Variants in TESPA1 observed in about 807,000 individuals in gnomAD.
TESPA1 encodes protein TESPA1.
In TESPA1, 33 loss-of-function variants were observed where a neutral mutation model predicts 57.9. The observed-to-expected ratio is 0.57, with a 90% CI of 0.43 to 0.76. TESPA1 has a LOEUF of 0.76. Ranked by LOEUF, TESPA1 falls within the 30% of genes least tolerant of loss-of-function variation. The pLI is 0.00. For synonymous variants in TESPA1, 227 were observed against 228.9 expected (o/e 0.99, Z 0.07); for missense variants, 618 against 632.9 (o/e 0.98, Z 0.25).
intron 1 of TESPA1, chr12:54,983,996 C>T (rs765577719): frequency 6.6e-6 from 1 of 152,218 alleles, no homozygotes; most frequent in Non-Finnish European, 1.5e-5. Flanking sequence ...GACCTTACCT[C>T]ACTCAAGTGT....
chr12:54,965,389 CCT>C (rs1951362899), intron 7 of TESPA1, among the ~76,000 whole-genome samples: 1 of 152,172 alleles, frequency 6.6e-6, no homozygotes, highest in Admixed American at 6.5e-5. Context: ...TGTTCCCCTC[CCT>C]GTGTCCATGT....
At chr12:54,975,683 G>GAATAAAATAAAATAAAATAAAATAA (rs59729826) in intron 1 of TESPA1, among the ~76,000 whole-genome samples, 151 of 148,616 alleles carry the variant, frequency 1.0e-3, no homozygotes, top group African/African-American at 3.6e-3. Flanking sequence ...TTAACTATTG[G>GAATAAAATAAAATAAAATAAAATAA]AATAAAATAA....
intron 10 of TESPA1, among the ~76,000 whole-genome samples, chr12:54,952,337 A>G (rs1950454510): frequency 6.6e-6 from 1 of 152,232 alleles, no homozygotes; most frequent in African/African-American, 2.4e-5. Flanking sequence ...AGCAACAGAA[A>G]CCAATGAAGA....
chr12:54,970,351 C>A (rs1036006949), intron 3 of TESPA1, among the ~76,000 whole-genome samples: 1 of 152,178 alleles, frequency 6.6e-6, no homozygotes, highest in Non-Finnish European at 1.5e-5. Context: ...ATACAATTTA[C>A]ATTTAAAATG....
At chr12:54,965,364 G>A (rs1230326031) in intron 7 of TESPA1, among the ~76,000 whole-genome samples, 1 of 152,064 alleles carries the variant, frequency 6.6e-6, no homozygotes, top group Non-Finnish European at 1.5e-5. Flanking sequence ...TCCCCTGACA[G>A]GTCCCAGTGT....
At chr12:54,973,219 A>T (rs1166254916) in intron 3 of TESPA1, among the ~76,000 whole-genome samples, 3 of 152,206 alleles carry the variant, frequency 2.0e-5, no homozygotes, top group African/African-American at 7.2e-5. Flanking sequence ...ATCCACTCTT[A>T]GCTTTAGCTC....
chr12:54,967,708 A>T (rs947751991), intron 4 of TESPA1, 135 bp downstream of exon 4: 1 of 1,054,942 alleles, frequency 9.5e-7, no homozygotes, highest in Non-Finnish European at 1.4e-6. Context: ...AGTGTTTTGC[A>T]GCCAGTTTAA....
At chr12:54,956,829 G>A (rs561215319) in intron 10 of TESPA1, among the ~76,000 whole-genome samples, 16 of 152,302 alleles carry the variant, frequency 1.1e-4, no homozygotes, top group Admixed American at 2.0e-4. Context: ...ATCCCATGGC[G>A]GAAGATGGAG....
In TESPA1 at chr12:54,967,826, A is replaced by C. The variant is rs2136140402; in HGVS notation, c.256+17T>G. 1 of 1,613,530 alleles carries C rather than the reference A, an allele frequency of 6.2e-7. No homozygotes were observed. The highest frequency in any genetic ancestry group is 8.5e-7 in the Non-Finnish European group (1 of 1,179,620). Reference sequence around the variant, plus strand: ...CTCCAGGTAGAAGAAAAATAGATGGACAGAACCTATACTCACCATTGTAGA... The same window carrying C: ...CTCCAGGTAGAAGAAAAATAGATGGCCAGAACCTATACTCACCATTGTAGA... On this transcript the variant is annotated intron_variant, in intron 4 of 10. Coordinates refer to ENST00000449076, the MANE Select transcript of TESPA1 (RefSeq NM_001136030.3).
chr12:54,966,269 T>A lies in TESPA1; in HGVS notation c.348-118A>T, dbSNP rs1424916997. 1.3e-5 allele frequency: 20 copies of A among 1,581,270 alleles called. 1 individual carries two copies. The Admixed American group carries it at 3.4e-4, about 27-fold the overall frequency. On this transcript the variant is annotated intron_variant, in intron 6 of 10. Coordinates refer to ENST00000449076, the MANE Select transcript of TESPA1 (RefSeq NM_001136030.3). The stretch of plus-strand genomic sequence containing the variant: ...CAGTAGTCTATGCAGTGCTTGTTCG[T>A]TGGAAAGTCTCACTCTCTAATGTGA...
At chr12:54,984,853 G>C (rs964344703), upstream of TESPA1, 1 of 152,350 alleles carries the variant, frequency 6.6e-6, no homozygotes, top group African/African-American at 2.4e-5. Flanking sequence ...AGGAGACTGA[G>C]CGAAGGACAA....
intron 8 of TESPA1, 30 bp downstream of exon 8, chr12:54,963,712 G>A: frequency 6.3e-7 from 1 of 1,592,752 alleles, no homozygotes; most frequent in Non-Finnish European, 8.6e-7. Context: ...GAAAAGGGAA[G>A]TAGAGCAGGT....
rs1592281610 is a variant in TESPA1 at position 54,949,624 on chromosome 12, T to C, written c.*768A>G. 6.6e-6 allele frequency: 1 copy of C among 152,424 alleles called. No individual in the cohort carries two copies. The highest frequency in any genetic ancestry group is 1.5e-5 in the Non-Finnish European group (1 of 68,030). The allele number at this position is 152,424 out of a possible 1,614,324, so 9.4% of individuals were successfully genotyped here. A position where few individuals can be genotyped will look rare whatever the true frequency, so the allele number is the denominator to read the frequency against. On this transcript the variant is annotated 3_prime_UTR_variant, in exon 11 of 11. Coordinates refer to ENST00000449076, the MANE Select transcript of TESPA1 (RefSeq NM_001136030.3). ...CAGCTGTTAGTTAACTTTAAAAACATGCCATGATTTAAAAAAAATATTTGT... is the reference window on the plus strand; with the variant it reads ...CAGCTGTTAGTTAACTTTAAAAACACGCCATGATTTAAAAAAAATATTTGT...
At chr12:54,968,367 T>C (rs922225463) in intron 3 of TESPA1, among the ~76,000 whole-genome samples, 2 of 152,228 alleles carry the variant, frequency 1.3e-5, no homozygotes, top group African/African-American at 4.8e-5. Flanking sequence ...CTGAATATCA[T>C]GTCACTCAGG....
At chr12:54,960,969 G>C (rs933684593) in intron 10 of TESPA1, among the ~76,000 whole-genome samples, 199 bp downstream of exon 10, 3 of 151,938 alleles carry the variant, frequency 2.0e-5, no homozygotes, top group Non-Finnish European at 4.4e-5. Flanking sequence ...CCAAAGCCTG[G>C]GCATCATTGA....
At chr12:54,954,944 A>C (rs1333185661) in intron 10 of TESPA1, among the ~76,000 whole-genome samples, 1 of 152,178 alleles carries the variant, frequency 6.6e-6, no homozygotes, top group Non-Finnish European at 1.5e-5. Flanking sequence ...CTTTTGGATA[A>C]TTACCCAGAA....
chr12:54,983,396 C>G (rs556613051), intron 1 of TESPA1, among the ~76,000 whole-genome samples: 1 of 152,128 alleles, frequency 6.6e-6, no homozygotes, highest in Non-Finnish European at 1.5e-5. Context: ...CCTGACTTCC[C>G]TTCTTCCTAC....
chr12:54,983,785 A>G (rs1388411116), intron 1 of TESPA1, among the ~76,000 whole-genome samples: 1 of 152,186 alleles, frequency 6.6e-6, no homozygotes, highest in African/African-American at 2.4e-5. Flanking sequence ...CCACTCCTCC[A>G]TCTACCCCAA....
Position 54,957,900 on chromosome 12 carries a change from A to G in TESPA1, c.*1+3268T>C, listed in dbSNP as rs537789699. Among the ~76,000 whole-genome samples the G allele has an allele frequency of 5.3e-5, 8 of 152,346 alleles. No individual in the cohort carries two copies. In the East Asian group the frequency reaches 1.5e-3, roughly 29 times the overall value. ...CTGACACTATGAATTTTAAGGCACA[A>G]CCTAATTTCAGAGATGTTAAAATGT... On this transcript the variant is annotated intron_variant, in intron 10 of 10. Transcript: ENST00000449076.
Sources: allele counts gnomAD v4.1 joint callset (sites outside exome capture counted in the v4.1 genomes callset), GRCh38; gene constraint gnomAD v4.1.1; transcripts MANE v1.5; gene names NCBI Gene and HGNC (gene_info 2026-07-23, HGNC 2026-07-21).